The following NEBL variants were observed in gnomAD, a reference collection of about 807,000 sequenced individuals.
NEBL encodes nebulette.
NEBL carries 122 observed loss-of-function variants against 140.2 expected under a neutral mutation model. The ratio of observed to expected loss-of-function variants is 0.87; its 90% confidence interval spans 0.75 to 1.01. The LOEUF (loss-of-function observed/expected upper bound fraction) is 1.01. NEBL is among the 50% of genes least tolerant of loss of function. The pLI is 0.00. For missense variants in NEBL, 1,365 were observed against 1,231.3 expected, an observed-to-expected ratio of 1.11 and a Z score of -1.62; for synonymous variants, 436 against 398.9, an observed-to-expected ratio of 1.09 and a Z score of -1.11.
At chr10:21,234,027 A>T (rs76308658) in intron 3 of NEBL, among the ~76,000 whole-genome samples, 5 of 134,984 alleles carry the variant, frequency 3.7e-5, no homozygotes, top group South Asian at 3.1e-4. Context: ...AGATAGATAG[A>T]TAGATAGATA....
intron 3 of NEBL, chr10:21,218,367 C>T (rs1416061268): frequency 6.6e-6 from 1 of 152,198 alleles, no homozygotes; most frequent in East Asian, 1.9e-4. Context: ...CCTGTTTAAA[C>T]CATTCTACAG....
chr10:21,153,479 A>G (rs1254131684), intron 2 of NEBL, among the ~76,000 whole-genome samples: 1 of 151,616 alleles, frequency 6.6e-6, no homozygotes, highest in African/African-American at 2.4e-5. Flanking sequence ...ACAGGTGCCC[A>G]CCACTACACC....
At chr10:20,839,381 C>T in intron 13 of NEBL, among the ~76,000 whole-genome samples, 1 of 152,074 alleles carries the variant, frequency 6.6e-6, no homozygotes, top group South Asian at 2.1e-4. Context: ...CAATGTTAGC[C>T]ACAGACCTCA....
chr10:21,148,059 A>G (rs776409116), intron 2 of NEBL, among the ~76,000 whole-genome samples: 11 of 152,240 alleles, frequency 7.2e-5, no homozygotes, highest in African/African-American at 1.2e-4. Flanking sequence ...AAGAAGAACT[A>G]TACAAGGCTA....
At chr10:21,092,984 TA>T (rs1418016794) in intron 2 of NEBL, among the ~76,000 whole-genome samples, 4 of 152,164 alleles carry the variant, frequency 2.6e-5, no homozygotes, top group African/African-American at 9.7e-5. Context: ...ACTCACAGTA[TA>T]TTTTCTCTGA....
At chr10:20,830,335 T>G (rs1840283218) in intron 16 of NEBL, among the ~76,000 whole-genome samples, 1 of 152,248 alleles carries the variant, frequency 6.6e-6, no homozygotes, top group East Asian at 1.9e-4. Flanking sequence ...TTTTCATTCC[T>G]TCTATTTTTT....
chr10:20,824,211 T>C (rs1269270953), intron 18 of NEBL, among the ~76,000 whole-genome samples: 2 of 152,204 alleles, frequency 1.3e-5, no homozygotes, highest in African/African-American at 4.8e-5. Context: ...TATGAAAGCA[T>C]AGGCTCAACT....
intron 2 of NEBL, among the ~76,000 whole-genome samples, chr10:21,037,601 C>T (rs1834067569): frequency 6.6e-6 from 1 of 152,058 alleles, no homozygotes; most frequent in Admixed American, 6.5e-5. Flanking sequence ...ATGAAATGTT[C>T]CATACCTTGA....
intron 2 of NEBL, among the ~76,000 whole-genome samples, chr10:21,115,058 CTCTT>C (rs1355898981): frequency 2.0e-5 from 3 of 151,498 alleles, no homozygotes; most frequent in Admixed American, 2.0e-4. Context: ...TTAGCTATAT[CTCTT>C]TATATTGTTT....
intron 3 of NEBL, among the ~76,000 whole-genome samples, chr10:21,221,137 G>C (rs1369537862): frequency 8.5e-5 from 13 of 152,110 alleles, no homozygotes; most frequent in African/African-American, 3.1e-4. Context: ...CTGGGTGACA[G>C]GGAGAGACTC....
chr10:21,229,034 G>A (rs1436812870), intron 3 of NEBL, among the ~76,000 whole-genome samples: 2 of 151,814 alleles, frequency 1.3e-5, no homozygotes, highest in African/African-American at 4.8e-5. Flanking sequence ...GACATAGAGT[G>A]TAAGTGGGAA....
intron 2 of NEBL, among the ~76,000 whole-genome samples, chr10:21,051,129 A>G (rs1834760798): frequency 6.6e-6 from 1 of 152,226 alleles, no homozygotes; most frequent in Non-Finnish European, 1.5e-5. Context: ...GTCTAGAGAT[A>G]GGAAAAAAAC....
At chr10:21,214,493 TACACACATGC>T (rs1030146075) in intron 3 of NEBL, among the ~76,000 whole-genome samples, 12 of 150,330 alleles carry the variant, frequency 8.0e-5, no homozygotes, top group African/African-American at 2.0e-4. Flanking sequence ...ACGCGCACAT[TACACACATGC>T]ACACACATGC....
chr10:20,809,949 GGAA>G, intron 24 of NEBL, 51 bp from the exon 25 acceptor site: 1 of 586,458 alleles, frequency 1.7e-6, no homozygotes. Context: ...ATTTAAAAAA[GGAA>G]AAAAAAAAAA....
chr10:20,907,078 C>T (rs1162168513), intron 4 of NEBL, among the ~76,000 whole-genome samples: 1 of 152,028 alleles, frequency 6.6e-6, no homozygotes, highest in Non-Finnish European at 1.5e-5. Flanking sequence ...CAGTATAGCT[C>T]TATAGTAATG....
At chr10:20,849,740 T>C (rs1187130189) in intron 11 of NEBL, among the ~76,000 whole-genome samples, 1 of 152,170 alleles carries the variant, frequency 6.6e-6, no homozygotes, top group Non-Finnish European at 1.5e-5. Flanking sequence ...TGGTATTCTG[T>C]TATAGCAACA....
chr10:21,070,901 T>C (rs1289688920), intron 2 of NEBL, among the ~76,000 whole-genome samples: 1 of 152,112 alleles, frequency 6.6e-6, no homozygotes, highest in Non-Finnish European at 1.5e-5. Flanking sequence ...TAGGCCAAGA[T>C]GGCAGTGGCT....
At chr10:21,228,167 T>A (rs1783518820) in intron 3 of NEBL, among the ~76,000 whole-genome samples, 1 of 151,990 alleles carries the variant, frequency 6.6e-6, no homozygotes, top group South Asian at 2.1e-4. Flanking sequence ...TGCTTATTTG[T>A]TTTTTAAACA....
chr10:20,932,182 C>T (rs1000470193), intron 4 of NEBL, among the ~76,000 whole-genome samples: 3 of 152,148 alleles, frequency 2.0e-5, no homozygotes, highest in Non-Finnish European at 4.4e-5. Flanking sequence ...ACCTGTCTCC[C>T]GTACTCATAT....
Sources: gnomAD v4.1 joint callset for allele counts (sites outside exome capture counted in the v4.1 genomes callset) on GRCh38, gnomAD v4.1.1 for gene constraint, MANE v1.5 for transcripts, NCBI Gene and HGNC (gene_info 2026-07-23, HGNC 2026-07-21) for gene names.